Variants in STAG1 observed in about 807,000 individuals in gnomAD.
STAG1 encodes the protein STAG1 cohesin complex component.
A neutral mutation model predicts 170.9 loss-of-function variants in STAG1; 26 were observed. The ratio of observed to expected loss-of-function variants is 0.15; its 90% confidence interval spans 0.11 to 0.21. The LOEUF is 0.21. Among genes scored for constraint, STAG1 ranks in the 10% least tolerant of loss-of-function variants. The pLI, the probability that STAG1 is intolerant of heterozygous loss-of-function variation, is 1.00. For synonymous variants in STAG1, 514 were observed against 497.7 expected (o/e 1.03, Z -0.44); for missense variants, 964 against 1,509.5 (o/e 0.64, Z 5.99).
intron 13 of STAG1, among the ~76,000 whole-genome samples, chr3:136,461,590 G>GA (rs777255297): frequency 0.011 from 1,203 of 108,498 alleles, 9 homozygotes; most frequent in African/African-American, 0.017. Flanking sequence ...ACTCCGTCTT[G>GA]AAAAAAAAAA....
chr3:136,694,425 G>A (rs931822998), intron 1 of STAG1, among the ~76,000 whole-genome samples: 1 of 151,944 alleles, frequency 6.6e-6, no homozygotes, highest in African/African-American at 2.4e-5. Context: ...AACCTAGCCT[G>A]GGCAACATAG....
intron 11 of STAG1, among the ~76,000 whole-genome samples, chr3:136,472,703 G>A (rs1335473740): frequency 6.6e-6 from 1 of 152,180 alleles, no homozygotes; most frequent in Non-Finnish European, 1.5e-5. Context: ...AACAATTGCT[G>A]TTCCCTAAAC....
intron 1 of STAG1, among the ~76,000 whole-genome samples, chr3:136,723,842 G>A (rs1933478816): frequency 6.9e-6 from 1 of 145,520 alleles, no homozygotes; most frequent in Non-Finnish European, 1.5e-5. Context: ...GGGGGGGTCA[G>A]CCCCCCGCCC....
At chr3:136,745,960 A>G (rs189547895) in intron 1 of STAG1, among the ~76,000 whole-genome samples, 3 of 152,222 alleles carry the variant, frequency 2.0e-5, no homozygotes, top group Admixed American at 6.5e-5. Flanking sequence ...TGATTTAGAA[A>G]AGGAGGAGAA....
rs1395543578 is a variant in STAG1, at chr3:136,464,871, A to C, written c.1313+10T>G. The C allele has an allele frequency of 1.2e-6, 2 of 1,605,778 alleles. No homozygotes were observed. The highest frequency in any genetic ancestry group is 2.2e-5 in the East Asian group (1 of 44,806). Reference sequence around the variant, plus strand: ...AAAGTAGAACCGGTTTTCAAAGATAATTAGCTCACTTTTTGTGAAGGAACT... The same window carrying C: ...AAAGTAGAACCGGTTTTCAAAGATACTTAGCTCACTTTTTGTGAAGGAACT... On this transcript the variant is annotated intron_variant, in intron 13 of 33. Coordinates refer to ENST00000383202, the MANE Select transcript of STAG1 (RefSeq NM_005862.3).
chr3:136,421,188 C>T (rs770288034), intron 19 of STAG1, 25 bp from the exon 20 acceptor site: 22 of 1,533,804 alleles, frequency 1.4e-5, no homozygotes, highest in Non-Finnish European at 1.9e-5. Flanking sequence ...AACATCACAT[C>T]ATTACAACTT....
intron 2 of STAG1, among the ~76,000 whole-genome samples, chr3:136,627,032 G>C (rs993209938): frequency 6.6e-6 from 1 of 152,194 alleles, no homozygotes; most frequent in South Asian, 2.1e-4. Context: ...GTTGGTTCTA[G>C]AATATAATTA....
At chr3:136,709,190 T>C (rs1347914081) in intron 1 of STAG1, among the ~76,000 whole-genome samples, 1 of 151,774 alleles carries the variant, frequency 6.6e-6, no homozygotes, top group Admixed American at 6.6e-5. Flanking sequence ...CTCAGGAGGC[T>C]GAGGCAGGAG....
At chr3:136,496,877 G>A (rs1299972969) in intron 9 of STAG1, among the ~76,000 whole-genome samples, 1 of 151,640 alleles carries the variant, frequency 6.6e-6, no homozygotes, top group Admixed American at 6.6e-5. Context: ...ACAATGAAAA[G>A]AGAAAAGCGG....
intron 1 of STAG1, among the ~76,000 whole-genome samples, chr3:136,751,479 T>G (rs1442278664): frequency 1.3e-5 from 2 of 151,844 alleles, no homozygotes; most frequent in African/African-American, 2.4e-5. Flanking sequence ...CTCAGGGGAC[T>G]GGCAAACTAG....
At chr3:136,454,904 C>T (rs2089061590) in intron 13 of STAG1, among the ~76,000 whole-genome samples, 1 of 152,074 alleles carries the variant, frequency 6.6e-6, no homozygotes, top group East Asian at 1.9e-4. Flanking sequence ...TCTTTGAAAG[C>T]TGATCATGGA....
chr3:136,703,547 T>G (rs947470726), intron 1 of STAG1, among the ~76,000 whole-genome samples: 2 of 152,140 alleles, frequency 1.3e-5, no homozygotes, highest in Non-Finnish European at 2.9e-5. Context: ...CACAGAAAAC[T>G]TTTTTTCTTT....
chr3:136,749,138 C>A (rs185880952), intron 1 of STAG1, among the ~76,000 whole-genome samples: 1 of 152,130 alleles, frequency 6.6e-6, no homozygotes, highest in African/African-American at 2.4e-5. Flanking sequence ...GATATCATTA[C>A]GGTGATTATA....
intron 9 of STAG1, among the ~76,000 whole-genome samples, chr3:136,485,660 C>A: frequency 6.6e-6 from 1 of 152,226 alleles, no homozygotes; most frequent in African/African-American, 2.4e-5. Flanking sequence ...TTCCTATATA[C>A]GTCTGATACA....
chr3:136,340,191 G>T (rs573296882), intron 32 of STAG1, among the ~76,000 whole-genome samples: 1 of 152,170 alleles, frequency 6.6e-6, no homozygotes, highest in East Asian at 1.9e-4. Context: ...TTTCGCTCTT[G>T]TTGTCCAGGC....
Position 136,394,938 on chromosome 3 carries a change from CAAAAAAA to C in STAG1, c.2277+3804_2277+3810del, listed in dbSNP as rs778204800. ...ACTGCACTCTAGCGAGACTCTGTCT[CAAAAAAA>C]AAAAAAAAAAAAAAAATGTAGCTAG... On this transcript the variant is annotated intron_variant, in intron 22 of 33. Transcript: ENST00000383202. 5.1e-5 allele frequency among the ~76,000 whole-genome samples: 3 copies of C among 59,318 alleles called. No homozygotes were observed. In the Admixed American group the frequency reaches 5.7e-4, roughly 11 times the overall value. 38.9% of individuals were successfully genotyped at this position (59,318 alleles called of 152,430 possible). A position where few individuals can be genotyped will look rare whatever the true frequency, so the allele number is the denominator to read the frequency against.
chr3:136,343,725 T>C, intron 30 of STAG1, 107 bp downstream of exon 30: 1 of 864,454 alleles, frequency 1.2e-6, no homozygotes, highest in Non-Finnish European at 1.7e-6. Context: ...TTGTGGCTTA[T>C]CATGAACTGA....
intron 7 of STAG1, among the ~76,000 whole-genome samples, chr3:136,519,269 A>T (rs773277306): frequency 5.9e-5 from 9 of 152,152 alleles, no homozygotes; most frequent in Non-Finnish European, 1.0e-4. Flanking sequence ...CAGAATGCAC[A>T]CAAGTTTCTA....
chr3:136,457,589 T>C (rs994644813), intron 13 of STAG1, among the ~76,000 whole-genome samples: 8 of 152,120 alleles, frequency 5.3e-5, no homozygotes, highest in African/African-American at 1.4e-4. Context: ...TTAACTTGTC[T>C]TTTCTCATTC....
Sources: gnomAD v4.1 joint callset for allele counts (sites outside exome capture counted in the v4.1 genomes callset) on GRCh38, gnomAD v4.1.1 for gene constraint, MANE v1.5 for transcripts, NCBI Gene and HGNC (gene_info 2026-07-23, HGNC 2026-07-21) for gene names.